Variants in DCDC1 observed in about 807,000 individuals in gnomAD.
DCDC1 encodes the protein doublecortin domain containing 1.
A neutral mutation model predicts 178.3 loss-of-function variants in DCDC1; 200 were observed. That is an observed-to-expected ratio of 1.12 (90% CI 1.00 to 1.26). DCDC1 has a LOEUF of 1.26. DCDC1 is among the 50% of genes most tolerant of loss of function. DCDC1 has a pLI of 0.00. For missense variants in DCDC1, 1,983 were observed against 1,749.2 expected (o/e 1.13, Z -2.38); for synonymous variants, 690 against 604.8 (o/e 1.14, Z -2.07).
In DCDC1 at chr11:31,290,756, A is replaced by G. The variant is rs764884735; in HGVS notation, c.851T>C (p.Ile284Thr). The change falls in exon 7 of 39, where the codon ATT (isoleucine) becomes ACT (threonine). Residue 284 changes from isoleucine to threonine, a missense_variant. By Grantham distance (89) the Ile-to-Thr change is moderately conservative (BLOSUM62 -1). Transcript: ENST00000684477. ...KRRKTKPVLS[I>T]RMKKLTERTS... ...CCTCTCAGTAAGTTTCTTCATTCTA[A>G]TAGAAAGAACAGGCTTGGTTTTCCG... 8.1e-6 allele frequency: 13 copies of G among 1,613,410 alleles called. No individual in the cohort carries two copies. In the South Asian group the frequency reaches 1.4e-4, roughly 18 times the overall value.
chr11:31,212,496 AAC>A (rs1972683735), intron 9 of DCDC1, among the ~76,000 whole-genome samples: 3 of 152,206 alleles, frequency 2.0e-5, no homozygotes, highest in Non-Finnish European at 4.4e-5. Flanking sequence ...AAGAAAGATG[AAC>A]ATAGCTAACT....
chr11:31,084,586 G>A (rs1003984600), intron 17 of DCDC1, among the ~76,000 whole-genome samples: 11 of 151,908 alleles, frequency 7.2e-5, no homozygotes, highest in Admixed American at 6.6e-5. Flanking sequence ...TTGGATAAAG[G>A]CAAGTTAAAA....
chr11:30,871,523 T>C (rs1440451467), intron 38 of DCDC1, among the ~76,000 whole-genome samples: 5 of 152,178 alleles, frequency 3.3e-5, no homozygotes, highest in Admixed American at 6.6e-5. Context: ...AACATTCACA[T>C]TTGTTCTCTT....
intron 3 of DCDC1, among the ~76,000 whole-genome samples, chr11:31,322,364 T>C (rs1949412189): frequency 6.6e-6 from 1 of 152,200 alleles, no homozygotes; most frequent in Non-Finnish European, 1.5e-5. Flanking sequence ...CCCCATTTCT[T>C]CTTAGATAAA....
chr11:30,910,545 A>G (rs1945368774), intron 28 of DCDC1, among the ~76,000 whole-genome samples: 1 of 152,208 alleles, frequency 6.6e-6, no homozygotes. Flanking sequence ...AATGAAACAA[A>G]TGTTATCTGG....
chr11:31,267,284 G>A (rs570976607), intron 7 of DCDC1, among the ~76,000 whole-genome samples: 10 of 151,874 alleles, frequency 6.6e-5, no homozygotes, highest in Admixed American at 1.3e-4. Flanking sequence ...TCCGTCTCCC[G>A]GGTTCAAGTG....
chr11:31,251,402 A>T (rs1237011112), intron 8 of DCDC1, among the ~76,000 whole-genome samples: 1 of 152,166 alleles, frequency 6.6e-6, no homozygotes, highest in East Asian at 1.9e-4. Flanking sequence ...CAGTAGACTA[A>T]GTAAAGCAGA....
chr11:31,347,682 T>C (rs1418663136), intron 1 of DCDC1, among the ~76,000 whole-genome samples: 1 of 152,164 alleles, frequency 6.6e-6, no homozygotes, highest in Admixed American at 6.6e-5. Context: ...CACATCAGCC[T>C]TCCCCATAAT....
chr11:31,192,602 T>C (rs1970252933), intron 9 of DCDC1, among the ~76,000 whole-genome samples: 1 of 152,128 alleles, frequency 6.6e-6, no homozygotes, highest in African/African-American at 2.4e-5. Flanking sequence ...ATGATATGCA[T>C]ACATACACAT....
intron 20 of DCDC1, among the ~76,000 whole-genome samples, chr11:30,977,232 T>C (rs1369243852): frequency 6.6e-6 from 1 of 152,080 alleles, no homozygotes; most frequent in Admixed American, 6.6e-5. Context: ...GATACAAACA[T>C]ATAGTTAGAA....
chr11:31,261,714 C>G (rs1249269529), intron 8 of DCDC1, among the ~76,000 whole-genome samples: 2 of 152,088 alleles, frequency 1.3e-5, no homozygotes, highest in East Asian at 1.9e-4. Flanking sequence ...ACCAATCCCC[C>G]ACGGATACCA....
intron 9 of DCDC1, among the ~76,000 whole-genome samples, chr11:31,213,837 T>C (rs1274205662): frequency 6.6e-6 from 1 of 151,562 alleles, no homozygotes; most frequent in Non-Finnish European, 1.5e-5. Flanking sequence ...ATTACTTGTT[T>C]AAAAAAGGGA....
intron 2 of DCDC1, among the ~76,000 whole-genome samples, chr11:31,333,636 G>A (rs1950118226): frequency 1.3e-5 from 2 of 152,114 alleles, no homozygotes; most frequent in Non-Finnish European, 2.9e-5. Flanking sequence ...CTTCATTTAT[G>A]AAGCTTAGTT....
At chr11:31,023,652 T>C (rs1953040259) in intron 20 of DCDC1, among the ~76,000 whole-genome samples, 1 of 152,114 alleles carries the variant, frequency 6.6e-6, no homozygotes, top group Non-Finnish European at 1.5e-5. Context: ...CAATATGTTA[T>C]TGTGTTGTAC....
intron 1 of DCDC1, among the ~76,000 whole-genome samples, chr11:31,354,467 T>A (rs189172115): frequency 2.0e-5 from 3 of 152,212 alleles, no homozygotes; most frequent in African/African-American, 7.2e-5. Context: ...AAAGATGTCA[T>A]TGGAAACTGG....
chr11:31,308,347 T>A (rs1253643913), intron 3 of DCDC1, among the ~76,000 whole-genome samples: 1 of 152,250 alleles, frequency 6.6e-6, no homozygotes, highest in Non-Finnish European at 1.5e-5. Flanking sequence ...TAAAAATATG[T>A]GGGTCCTACC....
chr11:30,932,285 G>C (rs1396507432), intron 21 of DCDC1, among the ~76,000 whole-genome samples: 1 of 152,030 alleles, frequency 6.6e-6, no homozygotes, highest in African/African-American at 2.4e-5. Flanking sequence ...GTGTGAAGAA[G>C]GAATGTGACA....
intron 20 of DCDC1, among the ~76,000 whole-genome samples, chr11:30,955,799 C>T (rs966202385): frequency 1.5e-4 from 23 of 152,172 alleles, no homozygotes; most frequent in African/African-American, 3.9e-4. Flanking sequence ...TGTGCTTGCC[C>T]TCAACCCATT....
At chr11:31,246,638 C>T (rs547428313) in intron 8 of DCDC1, among the ~76,000 whole-genome samples, 11 of 152,016 alleles carry the variant, frequency 7.2e-5, no homozygotes, top group Admixed American at 2.0e-4. Flanking sequence ...TCCAGCTTTA[C>T]GAAATAGTTG....
Sources: gnomAD v4.1 joint callset for allele counts (sites outside exome capture counted in the v4.1 genomes callset) on GRCh38, gnomAD v4.1.1 for gene constraint, MANE v1.5 for transcripts, NCBI Gene and HGNC (gene_info 2026-07-23, HGNC 2026-07-21) for gene names.